The following ITPR2 variants were observed in gnomAD, a reference collection of about 807,000 sequenced individuals.
ITPR2 encodes the protein inositol 1,4,5-trisphosphate-gated calcium channel ITPR2.
In ITPR2, 207 loss-of-function variants were observed where a neutral mutation model predicts 317.1. The ratio of observed to expected loss-of-function variants is 0.65; its 90% CI spans 0.58 to 0.73. The LOEUF (loss-of-function observed/expected upper bound fraction) is 0.73, where lower values mean the gene tolerates loss of function less well. Among genes scored for constraint, ITPR2 ranks in the 30% least tolerant of loss-of-function variants. ITPR2 has a pLI of 0.00. For synonymous variants in ITPR2, 1,156 were observed against 1,149.1 expected, an observed-to-expected ratio of 1.01 and a Z score of -0.12; for missense variants, 2,613 against 3,284.0, an observed-to-expected ratio of 0.80 and a Z score of 4.99.
chr12:26,364,966 GTGGTA>G (rs1356035473), intron 55 of ITPR2, among the ~76,000 whole-genome samples: 1 of 152,176 alleles, frequency 6.6e-6, no homozygotes, highest in Non-Finnish European at 1.5e-5. Context: ...GCCTCCCCAT[GTGGTA>G]ACCCAATATC....
At chr12:26,563,578 G>A (rs534392861) in intron 34 of ITPR2, among the ~76,000 whole-genome samples, 5 of 152,134 alleles carry the variant, frequency 3.3e-5, no homozygotes, top group South Asian at 4.2e-4. Flanking sequence ...TAGAATGTGG[G>A]GAGAGAGAAG....
chr12:26,435,282 TACAAA>T (rs1171951551), intron 48 of ITPR2, among the ~76,000 whole-genome samples: 1 of 152,202 alleles, frequency 6.6e-6, no homozygotes, highest in East Asian at 1.9e-4. Flanking sequence ...CCTTATGTAG[TACAAA>T]TATGTACCTT....
At chr12:26,588,160 A>G (rs554440183) in intron 32 of ITPR2, among the ~76,000 whole-genome samples, 6 of 152,342 alleles carry the variant, frequency 3.9e-5, no homozygotes, top group East Asian at 1.9e-4. Flanking sequence ...TCATGTAGAC[A>G]GTTGAATATG....
Position 26,659,399 on chromosome 12 carries a change from T to G in ITPR2, c.1714-114A>C, listed in dbSNP as rs1212727994. 9.6e-6 allele frequency: 9 copies of G among 939,132 alleles called. No homozygotes were observed. In the East Asian group the frequency reaches 2.4e-4, roughly 25 times the overall value. 58.2% of individuals were successfully genotyped at this position (939,132 alleles called of 1,614,324 possible). Reference sequence around the variant, plus strand: ...TCACAACAGAAGGTTCACTAAAAATTTTCTCAAAAGAAAAGCAAGTAAATT... The same window carrying G: ...TCACAACAGAAGGTTCACTAAAAATGTTCTCAAAAGAAAAGCAAGTAAATT... On this transcript the variant is annotated intron_variant, in intron 15 of 56. Coordinates refer to ENST00000381340, the MANE Select transcript of ITPR2 (RefSeq NM_002223.4).
intron 10 of ITPR2, among the ~76,000 whole-genome samples, chr12:26,693,432 G>A (rs1469729694): frequency 1.3e-5 from 2 of 151,954 alleles, no homozygotes; most frequent in East Asian, 1.9e-4. Flanking sequence ...GTCAACCCTC[G>A]GTATCTGCAG....
intron 9 of ITPR2, among the ~76,000 whole-genome samples, chr12:26,699,847 T>A (rs1298197334): frequency 2.6e-5 from 4 of 152,020 alleles, no homozygotes; most frequent in Non-Finnish European, 5.9e-5. Context: ...TAGAAAAAAA[T>A]TATTTTTTAA....
At chr12:26,615,724 T>C (rs995438438) in intron 26 of ITPR2, among the ~76,000 whole-genome samples, 33 of 152,244 alleles carry the variant, frequency 2.2e-4, no homozygotes, top group African/African-American at 7.7e-4. Context: ...AATTTCAAAT[T>C]TACAGGCATC....
chr12:26,395,466 A>G (rs1409512489), intron 54 of ITPR2, among the ~76,000 whole-genome samples: 1 of 152,196 alleles, frequency 6.6e-6, no homozygotes, highest in Non-Finnish European at 1.5e-5. Flanking sequence ...GTTGCTGTTC[A>G]TGTTTTTGGT....
intron 32 of ITPR2, among the ~76,000 whole-genome samples, chr12:26,585,715 T>G (rs1945509955): frequency 6.6e-6 from 1 of 152,160 alleles, no homozygotes; most frequent in Admixed American, 6.5e-5. Flanking sequence ...CTTTATAGCA[T>G]TTCTAATTAT....
intron 37 of ITPR2, among the ~76,000 whole-genome samples, chr12:26,501,611 A>C (rs1175906953): frequency 1.3e-5 from 2 of 152,228 alleles, no homozygotes; most frequent in Non-Finnish European, 2.9e-5. Flanking sequence ...TACTCATTAC[A>C]ATCTTGAAAA....
At chr12:26,812,314 A>G (rs1950767043) in intron 1 of ITPR2, among the ~76,000 whole-genome samples, 1 of 152,200 alleles carries the variant, frequency 6.6e-6, no homozygotes, top group Admixed American at 6.5e-5. Flanking sequence ...GCGGTGGCTC[A>G]TGCCTGTAAT....
chr12:26,737,864 T>G (rs1949156447), intron 2 of ITPR2, among the ~76,000 whole-genome samples: 1 of 152,248 alleles, frequency 6.6e-6, no homozygotes, highest in Non-Finnish European at 1.5e-5. Flanking sequence ...GTTTATATTT[T>G]GCAGTATCGG....
At chr12:26,451,153 C>T (rs1941730967) in intron 45 of ITPR2, among the ~76,000 whole-genome samples, 1 of 151,962 alleles carries the variant, frequency 6.6e-6, no homozygotes, top group African/African-American at 2.4e-5. Context: ...AAGAGAAAGC[C>T]TTAAAGAAAG....
intron 21 of ITPR2, among the ~76,000 whole-genome samples, chr12:26,633,330 C>T (rs908313496): frequency 2.0e-5 from 3 of 152,140 alleles, no homozygotes; most frequent in Non-Finnish European, 4.4e-5. Context: ...GGTAAAATGC[C>T]TTTGAAAATT....
At chr12:26,637,496 T>C (rs1442320503) in intron 21 of ITPR2, among the ~76,000 whole-genome samples, 1 of 152,184 alleles carries the variant, frequency 6.6e-6, no homozygotes, top group African/African-American at 2.4e-5. Flanking sequence ...AAGTGTGATA[T>C]TTGTCAAATC....
At chr12:26,421,593 C>G (rs926469420) in intron 49 of ITPR2, 5 of 152,206 alleles carry the variant, frequency 3.3e-5, no homozygotes, top group African/African-American at 1.2e-4. Context: ...GTTGCTAAAA[C>G]AGTCTCCCTT....
chr12:26,356,669 TA>T (rs1417048154), intron 55 of ITPR2, among the ~76,000 whole-genome samples: 1 of 152,232 alleles, frequency 6.6e-6, no homozygotes, highest in Non-Finnish European at 1.5e-5. Context: ...CCCCATGTTT[TA>T]AACTGAGGCT....
intron 11 of ITPR2, among the ~76,000 whole-genome samples, chr12:26,686,238 A>G (rs1042240325): frequency 3.0e-4 from 46 of 152,082 alleles, no homozygotes; most frequent in African/African-American, 1.1e-3. Context: ...CATACAAGTA[A>G]TAAGAATAAA....
chr12:26,624,458 T>C, intron 23 of ITPR2, 102 bp from the exon 24 acceptor site: 2 of 805,578 alleles, frequency 2.5e-6, no homozygotes, highest in South Asian at 3.9e-5. Context: ...TTGTCTTCAT[T>C]TCTTTATTCG....
Sources: allele counts gnomAD v4.1 joint callset (sites outside exome capture counted in the v4.1 genomes callset), GRCh38; gene constraint gnomAD v4.1.1; transcripts MANE v1.5; gene names NCBI Gene and HGNC (gene_info 2026-07-23, HGNC 2026-07-21).